The following LRIG1 variants were observed in gnomAD, a reference collection of about 807,000 sequenced individuals.
LRIG1 encodes leucine rich repeats and immunoglobulin like domains 1.
LRIG1 carries 48 observed loss-of-function variants against 99.2 expected under a neutral mutation model. The ratio of observed to expected loss-of-function variants is 0.48; its 90% CI spans 0.38 to 0.62. The LOEUF is 0.62. LRIG1 is among the 20% of genes least tolerant of loss of function. The pLI is 0.00. For synonymous variants in LRIG1, 772 were observed against 596.1 expected (o/e 1.29, Z -4.30); for missense variants, 1,646 against 1,434.4 (o/e 1.15, Z -2.38).
chr3:66,428,136 T>C (rs1703042156), intron 3 of LRIG1, among the ~76,000 whole-genome samples: 1 of 152,234 alleles, frequency 6.6e-6, no homozygotes, highest in Admixed American at 6.5e-5. Flanking sequence ...CATGTCTGCA[T>C]GCATTTTTGG....
At chr3:66,440,232 C>G (rs1304545722) in intron 3 of LRIG1, among the ~76,000 whole-genome samples, 1 of 152,092 alleles carries the variant, frequency 6.6e-6, no homozygotes, top group Non-Finnish European at 1.5e-5. Context: ...CCCCTCTGCT[C>G]CCCAGCCCAC....
intron 12 of LRIG1, among the ~76,000 whole-genome samples, chr3:66,388,816 G>C (rs1091584): frequency 6.6e-6 from 1 of 152,048 alleles, no homozygotes; most frequent in Admixed American, 6.6e-5. Flanking sequence ...AACACACACA[G>C]AGCAAGTTGA....
chr3:66,386,138 G>A lies in LRIG1; in HGVS notation c.1632C>T (p.Asn544=). The A allele has an allele frequency of 6.2e-7, 1 of 1,614,186 alleles. No homozygotes were observed. Among genetic ancestry groups the A allele is most frequent in the Non-Finnish European group, 8.5e-7 (1 of 1,180,042 alleles). Residue 544 remains asparagine, a synonymous_variant, in exon 13 of 19, where the codon AAC becomes AAT. Coordinates refer to ENST00000273261, the MANE Select transcript of LRIG1 (RefSeq NM_015541.3). ...NEVLTNADME[N]FVHVHAQDGE... is the part of the protein sequence containing the mutation. ...CGTCCTGCGCGTGGACGTGGACAAA[G>A]TTCTCCATGTCTGCATTGGTCAGGA...
At chr3:66,435,073 G>A (rs912875044) in intron 3 of LRIG1, among the ~76,000 whole-genome samples, 19 of 131,850 alleles carry the variant, frequency 1.4e-4, no homozygotes, top group African/African-American at 5.4e-4. Flanking sequence ...GTTAAAGTAC[G>A]GCACATCCAT....
intron 7 of LRIG1, among the ~76,000 whole-genome samples, chr3:66,408,553 C>T (rs940825638): frequency 3.3e-5 from 5 of 152,174 alleles, no homozygotes; most frequent in African/African-American, 4.8e-5. Flanking sequence ...TCCCGGACCC[C>T]GCAGAAGACA....
chr3:66,417,518 C>T, intron 3 of LRIG1: 1 of 471,104 alleles, frequency 2.1e-6, no homozygotes, highest in South Asian at 2.2e-5. Flanking sequence ...GGCAACAACA[C>T]AGCAGTGACA....
intron 2 of LRIG1, among the ~76,000 whole-genome samples, chr3:66,453,672 TAG>T (rs1703981318): frequency 1.3e-5 from 2 of 152,288 alleles, no homozygotes; most frequent in South Asian, 4.1e-4. Flanking sequence ...GTCATGCTAC[TAG>T]AGAGGACATG....
At chr3:66,393,605 A>G (rs1318905591) in intron 12 of LRIG1, among the ~76,000 whole-genome samples, 1 of 152,204 alleles carries the variant, frequency 6.6e-6, no homozygotes, top group African/African-American at 2.4e-5. Flanking sequence ...AACATCAAGG[A>G]ATTATTTTTA....
Position 66,417,250 on chromosome 3 carries a change from G to T in LRIG1, c.382C>A (p.Arg128Ser), listed in dbSNP as rs1280856739. The change falls in exon 4 of 19, where the codon CGC (arginine) becomes AGC (serine). Residue 128 changes from arginine (R) to serine (S), a missense_variant. Coordinates refer to ENST00000273261, the MANE Select transcript of LRIG1 (RefSeq NM_015541.3). The stretch of plus-strand genomic sequence containing the variant: ...TTCAGCTGGCTCCCCTCCACGCTGC[G>T]AATCTTGTTGTGCTGCCTGAAACAC... ...VSLFLQHNKI[R>S]SVEGSQLKAY... 3.7e-6 allele frequency: 6 copies of T among 1,613,812 alleles called. No homozygotes were observed. Among genetic ancestry groups the T allele is most frequent in the South Asian group, 1.1e-5 (1 of 91,070 alleles).
intron 2 of LRIG1, 23 bp from the exon 3 acceptor site, chr3:66,451,656 A>G: frequency 6.4e-7 from 1 of 1,574,764 alleles, no homozygotes; most frequent in East Asian, 2.2e-5. Context: ...CAAGAAATTA[A>G]TCATGTAAGG....
At chr3:66,487,008 T>C (rs1211487711) in intron 1 of LRIG1, among the ~76,000 whole-genome samples, 1 of 152,170 alleles carries the variant, frequency 6.6e-6, no homozygotes, top group Non-Finnish European at 1.5e-5. Context: ...TCAACAAAGT[T>C]TGCTTTCAAT....
chr3:66,455,940 C>T (rs1240677271), intron 2 of LRIG1, among the ~76,000 whole-genome samples: 2 of 152,220 alleles, frequency 1.3e-5, no homozygotes, highest in Non-Finnish European at 1.5e-5. Flanking sequence ...CCTAAGTTTT[C>T]TATGTGCAAT....
rs1350108571 is a variant in LRIG1, at chr3:66,386,151, G to A, written c.1619C>T (p.Ala540Val). ...GACGTGGACAAAGTTCTCCATGTCT[G>A]CATTGGTCAGGACTTCATTGTCTTT... ...WKKDNEVLTNADMENFVHVHA... is the reference protein window; with the variant it reads ...WKKDNEVLTNVDMENFVHVHA... Residue 540 changes from alanine to valine, a missense_variant, in exon 13 of 19, where the codon GCA (alanine) becomes GTA (valine). Coordinates refer to ENST00000273261, the MANE Select transcript of LRIG1 (RefSeq NM_015541.3). 5.6e-6 allele frequency: 9 copies of A among 1,614,164 alleles called. No homozygotes were observed. Among genetic ancestry groups the A allele is most frequent in the Non-Finnish European group, 5.1e-6 (6 of 1,180,026 alleles).
chr3:66,395,167 A>G (rs1701797278), intron 11 of LRIG1, among the ~76,000 whole-genome samples: 1 of 152,164 alleles, frequency 6.6e-6, no homozygotes, highest in African/African-American at 2.4e-5. Flanking sequence ...AAGACTGGGA[A>G]AGAGAGCACA....
intron 1 of LRIG1, among the ~76,000 whole-genome samples, chr3:66,474,884 C>G (rs1700683412): frequency 6.6e-6 from 1 of 152,176 alleles, no homozygotes; most frequent in Non-Finnish European, 1.5e-5. Flanking sequence ...TGGTTAAGAG[C>G]CTTGTCAAAA....
At chr3:66,473,301 G>A (rs576353354) in intron 1 of LRIG1, among the ~76,000 whole-genome samples, 1 of 152,306 alleles carries the variant, frequency 6.6e-6, no homozygotes, top group East Asian at 1.9e-4. Flanking sequence ...CCAGGCTGGA[G>A]CTGCTTGTAA....
Position 66,405,277 on chromosome 3 carries a change from C to T in LRIG1, c.1081G>A (p.Asp361Asn), listed in dbSNP as rs117931398. ...CCCGAAATCTCGTTATGGTCCAGATCCCTGGGGAGAGGACAGAAAGCAGCT... is the reference window on the plus strand; with the variant it reads ...CCCGAAATCTCGTTATGGTCCAGATTCCTGGGGAGAGGACAGAAAGCAGCT... Reference protein sequence around the residue: ...FKGLRSLRVLDLDHNEISGTI... With the variant: ...FKGLRSLRVLNLDHNEISGTI... The change falls in exon 9 of 19, where the codon GAT (aspartate) becomes AAT (asparagine). Residue 361 changes from aspartate (D) to asparagine (N), a missense_variant and splice_region_variant. Coordinates refer to ENST00000273261, the MANE Select transcript of LRIG1 (RefSeq NM_015541.3). 5 of 1,613,566 alleles carry T rather than the reference C, an allele frequency of 3.1e-6. No individual in the cohort carries two copies. The highest frequency in any genetic ancestry group is 4.5e-5 in the East Asian group (2 of 44,884).
intron 2 of LRIG1, among the ~76,000 whole-genome samples, chr3:66,455,439 C>T (rs759676509): frequency 4.6e-5 from 7 of 152,280 alleles, no homozygotes; most frequent in South Asian, 2.1e-4. Context: ...CACAAATGTA[C>T]GTGTATTAAA....
chr3:66,391,420 G>A (rs1167035047), intron 12 of LRIG1, among the ~76,000 whole-genome samples: 11 of 152,098 alleles, frequency 7.2e-5, no homozygotes, highest in South Asian at 2.1e-4. Flanking sequence ...TCTGATAAAC[G>A]GATAAATAAA....
Sources: allele counts gnomAD v4.1 joint callset (sites outside exome capture counted in the v4.1 genomes callset), GRCh38; gene constraint gnomAD v4.1.1; transcripts MANE v1.5; gene names NCBI Gene and HGNC (gene_info 2026-07-23, HGNC 2026-07-21).